Variants in ADA2 observed in about 807,000 individuals in gnomAD.
ADA2 encodes the protein adenosine deaminase CECR1.
Under a neutral mutation model 44.2 loss-of-function variants are expected in ADA2, and 29 were observed. The observed-to-expected ratio is 0.66, with a 90% confidence interval of 0.49 to 0.89. The LOEUF (loss-of-function observed/expected upper bound fraction) is 0.89, where lower values mean the gene tolerates loss of function less well. Ranked by LOEUF, ADA2 falls within the 40% of genes least tolerant of loss-of-function variation. The pLI is 0.00. For synonymous variants in ADA2, 215 were observed against 234.9 expected, an observed-to-expected ratio of 0.92 and a Z score of 0.77; for missense variants, 637 against 644.8, an observed-to-expected ratio of 0.99 and a Z score of 0.13.
At chr22:17,214,988 G>A (rs1416946544) in intron 1 of ADA2, among the ~76,000 whole-genome samples, 1 of 152,170 alleles carries the variant, frequency 6.6e-6, no homozygotes, top group Non-Finnish European at 1.5e-5. Flanking sequence ...GACACCTCAG[G>A]GGTGACAGGA....
chr22:17,189,557 G>C (rs1363239891), intron 6 of ADA2, among the ~76,000 whole-genome samples: 1 of 152,174 alleles, frequency 6.6e-6, no homozygotes, highest in Non-Finnish European at 1.5e-5. Flanking sequence ...GTGCTACAGG[G>C]GCTGGTGAGG....
chr22:17,189,914 C>T, intron 6 of ADA2, 28 bp downstream of exon 6: 1 of 1,540,926 alleles, frequency 6.5e-7, no homozygotes, highest in Non-Finnish European at 9.0e-7. Context: ...CCTTAACAGG[C>T]AGCCCTTCTG....
rs1234578116 is a variant in ADA2 at position 17,181,364 on chromosome 22, G to C, written c.*119C>G. ...CTCAGCCAGCCAAGTGCTTCTCACAGGGTCGCTCCATACAGAGGCCATTGA... is the reference window on the plus strand; with the variant it reads ...CTCAGCCAGCCAAGTGCTTCTCACACGGTCGCTCCATACAGAGGCCATTGA... On this transcript the variant is annotated 3_prime_UTR_variant, in exon 10 of 10. Transcript: ENST00000399837. 1.2e-5 allele frequency: 9 copies of C among 734,222 alleles called. No homozygotes were observed. The highest frequency in any genetic ancestry group is 1.9e-5 in the Admixed American group (1 of 53,498). 45.5% of individuals were successfully genotyped at this position (734,222 alleles called of 1,614,324 possible).
chr22:17,199,439 C>CTTCCCCTCCCTCCCCTCCTCTATCCTA, intron 4 of ADA2: 3 of 1,056,640 alleles, frequency 2.8e-6, no homozygotes, highest in Non-Finnish European at 4.4e-6. Context: ...CCTCTATCCT[C>CTTCCCCTCCCTCCCCTCCTCTATCCTA]TTCCCCTCCA....
At chr22:17,202,935 C>G (rs889205641) in intron 4 of ADA2, among the ~76,000 whole-genome samples, 1 of 151,664 alleles carries the variant, frequency 6.6e-6, no homozygotes, top group Non-Finnish European at 1.5e-5. Flanking sequence ...GGCTCATGCC[C>G]GGCTAATTTT....
chr22:17,181,840 C>T lies in ADA2; in HGVS notation c.1422G>A (p.Gln474=). The T allele has an allele frequency of 6.2e-7, 1 of 1,613,698 alleles. No individual in the cohort carries two copies. Among genetic ancestry groups the T allele is most frequent in the Non-Finnish European group, 8.5e-7 (1 of 1,179,916 alleles). The change falls in exon 9 of 10, where the codon CAG becomes CAA. Residue 474 remains glutamine (Q), a synonymous_variant. Transcript: ENST00000399837. ...CTCACTTGATAGAGTTCATGGCCAG[C>T]TGTTTGAGGGTCCTCAGGTCAGCCT... ...GMKADLRTLK[Q]LAMNSIKYST...
intron 6 of ADA2, among the ~76,000 whole-genome samples, chr22:17,189,339 C>T (rs118035169): frequency 0.01 from 1,542 of 152,210 alleles, 10 homozygotes; most frequent in Non-Finnish European, 0.018. Flanking sequence ...GCCGAGCTGT[C>T]ACCTAAGAAA....
At chr22:17,186,191 A>G (rs1883546889) in intron 7 of ADA2, among the ~76,000 whole-genome samples, 1 of 152,204 alleles carries the variant, frequency 6.6e-6, no homozygotes, top group Non-Finnish European at 1.5e-5. Context: ...TCTTCTGCCA[A>G]TTTCCAGCTG....
At chr22:17,189,545 G>A (rs80233954) in intron 6 of ADA2, among the ~76,000 whole-genome samples, 2,948 of 152,250 alleles carry the variant, frequency 0.019, 85 homozygotes, top group African/African-American at 0.067. Context: ...TCCCCACCCC[G>A]CGTGCTACAG....
At chr22:17,204,619 A>G (rs1418011837) in intron 3 of ADA2, among the ~76,000 whole-genome samples, 9 of 151,824 alleles carry the variant, frequency 5.9e-5, no homozygotes, top group East Asian at 1.9e-4. Flanking sequence ...AAAAAAAAAA[A>G]AAGAAGAAGA....
At chr22:17,198,124 G>C (rs561318881) in intron 4 of ADA2, among the ~76,000 whole-genome samples, 1 of 151,960 alleles carries the variant, frequency 6.6e-6, no homozygotes, top group Non-Finnish European at 1.5e-5. Flanking sequence ...TCAGAATTTT[G>C]CTTGCCCTGA....
chr22:17,214,171 A>T, intron 1 of ADA2: 1 of 656,258 alleles, frequency 1.5e-6, no homozygotes, highest in South Asian at 1.5e-5. Context: ...GCCTGCCCCC[A>T]GTAGGGAGCA....
intron 4 of ADA2, chr22:17,199,423 T>TCCCCTCCTCTATCCTCTTCCCCACCCA: frequency 1.1e-5 from 10 of 902,804 alleles, no homozygotes; most frequent in Non-Finnish European, 1.5e-5. Flanking sequence ...GTCTCCTCCC[T>TCCCCTCCTCTATCCTCTTCCCCACCCA]CCCCTCCTCT....
intron 4 of ADA2, among the ~76,000 whole-genome samples, chr22:17,194,447 A>G (rs531433129): frequency 2.1e-4 from 32 of 152,128 alleles, no homozygotes; most frequent in Admixed American, 1.5e-3. Context: ...AGATCCCCGC[A>G]TTCCCCCAGG....
At chr22:17,190,809 A>G (rs185240651) in intron 5 of ADA2, among the ~76,000 whole-genome samples, 95 of 152,334 alleles carry the variant, frequency 6.2e-4, no homozygotes, top group African/African-American at 2.2e-3. Flanking sequence ...TCTGAGCAGA[A>G]CGTGGGCCCA....
At chr22:17,189,478 A>T (rs1329956828) in intron 6 of ADA2, among the ~76,000 whole-genome samples, 1 of 152,070 alleles carries the variant, frequency 6.6e-6, no homozygotes. Context: ...CACTACCTTG[A>T]GGATTTGCAA....
chr22:17,194,850 T>C (rs2062170189), intron 4 of ADA2, among the ~76,000 whole-genome samples: 1 of 151,968 alleles, frequency 6.6e-6, no homozygotes, highest in Admixed American at 6.6e-5. Flanking sequence ...TATTTTTAGC[T>C]GAAGGCAATT....
chr22:17,215,478 T>C (rs5747024), intron 1 of ADA2, among the ~76,000 whole-genome samples: 64,083 of 151,472 alleles, frequency 0.42, 14,625 homozygotes, highest in East Asian at 0.78. Context: ...TGGTGGCGGA[T>C]GCCTGTAATC....
chr22:17,201,873 T>A (rs1024184664), intron 4 of ADA2, among the ~76,000 whole-genome samples: 9 of 152,154 alleles, frequency 5.9e-5, no homozygotes, highest in African/African-American at 2.2e-4. Flanking sequence ...CAGATTTTTT[T>A]GATGATGCTC....
Sources: allele counts gnomAD v4.1 joint callset (sites outside exome capture counted in the v4.1 genomes callset), GRCh38; gene constraint gnomAD v4.1.1; transcripts MANE v1.5; gene names NCBI Gene and HGNC (gene_info 2026-07-23, HGNC 2026-07-21).